The following ZNF527 variants were observed in gnomAD, a reference collection of about 807,000 sequenced individuals.
ZNF527 encodes zinc finger protein 527.
In ZNF527, 5 loss-of-function variants were observed where a neutral mutation model predicts 13.5. The ratio of observed to expected loss-of-function variants is 0.37; its 90% CI spans 0.19 to 0.78. The LOEUF (loss-of-function observed/expected upper bound fraction) is 0.78. ZNF527 is among the 30% of genes least tolerant of loss of function. The pLI, the probability that ZNF527 is intolerant of heterozygous loss-of-function variation, is 0.48. For synonymous variants in ZNF527, 209 were observed against 243.1 expected (o/e 0.86, Z 1.30); for missense variants, 628 against 726.4 (o/e 0.86, Z 1.56).
At chr19:37,387,780 A>G (rs1326584742) in intron 4 of ZNF527, among the ~76,000 whole-genome samples, 1 of 152,206 alleles carries the variant, frequency 6.6e-6, no homozygotes, top group Non-Finnish European at 1.5e-5. Flanking sequence ...GAAGTTGTTG[A>G]ACAGCATTAG....
In ZNF527 at chr19:37,391,579, A is replaced by T. The variant is rs1262855630; in HGVS notation, c.*1700A>T. ...AGCGAAACTCCTTCTCAAAAAAAAA[A>T]AAAAAAAAAAAATAAATAAATAAAT... On this transcript the variant is annotated 3_prime_UTR_variant, in exon 5 of 5. Coordinates refer to ENST00000436120, the MANE Select transcript of ZNF527 (RefSeq NM_032453.2). The T allele has an allele frequency of 5.8e-5, 5 of 86,626 alleles. No homozygotes were observed. Among genetic ancestry groups the T allele is most frequent in the Non-Finnish European group, 1.1e-4 (5 of 45,840 alleles). 5.4% of individuals were successfully genotyped at this position (86,626 alleles called of 1,614,324 possible).
At chr19:37,382,974 TG>T (rs2040666808) in intron 4 of ZNF527, among the ~76,000 whole-genome samples, 1 of 152,190 alleles carries the variant, frequency 6.6e-6, no homozygotes, top group Non-Finnish European at 1.5e-5. Context: ...CCCAAAGTGC[TG>T]GGATTACAGT....
intron 1 of ZNF527, among the ~76,000 whole-genome samples, chr19:37,373,632 A>G (rs2040576469): frequency 6.6e-6 from 1 of 152,182 alleles, no homozygotes; most frequent in Non-Finnish European, 1.5e-5. Context: ...TTCAGGGTAA[A>G]GAAAAATGGA....
intron 4 of ZNF527, among the ~76,000 whole-genome samples, chr19:37,381,272 A>G (rs1412485711): frequency 2.6e-5 from 4 of 152,242 alleles, no homozygotes; most frequent in African/African-American, 7.2e-5. Flanking sequence ...CCGACTTACC[A>G]TCAATTGTCT....
At chr19:37,379,050 A>T (rs927670416) in intron 2 of ZNF527, 70 bp from the exon 3 acceptor site, 1 of 1,592,088 alleles carries the variant, frequency 6.3e-7, no homozygotes, top group Non-Finnish European at 8.6e-7. Flanking sequence ...AACTCTGGCC[A>T]AATTCATCTT....
intron 4 of ZNF527, chr19:37,385,456 G>T: frequency 2.5e-6 from 1 of 398,084 alleles, no homozygotes; most frequent in East Asian, 3.6e-5. Context: ...AACCCTGGTT[G>T]AGTTCTTTCA....
In ZNF527 at chr19:37,380,343, A is replaced by C; in HGVS notation, c.227A>C (p.Glu76Ala). ...LEQGKEPWMVERKMSQGHCAD... is the reference protein window; with the variant it reads ...LEQGKEPWMVARKMSQGHCAD... Reference sequence around the variant, plus strand: ...CAAGGGAAGGAACCGTGGATGGTGGAGAGAAAGATGTCACAGGGTCACTGT... The same window carrying C: ...CAAGGGAAGGAACCGTGGATGGTGGCGAGAAAGATGTCACAGGGTCACTGT... The change falls in exon 4 of 5, where the codon GAG becomes GCG. Residue 76 changes from glutamate to alanine, a missense_variant. Glu to Ala is a moderately radical substitution (Grantham distance 107). This residue lies in a region of ZNF527 where 592 missense variants were observed against 678.0 expected (regional missense o/e 0.87). Coordinates refer to ENST00000436120, the MANE Select transcript of ZNF527 (RefSeq NM_032453.2). 1 of 1,614,036 alleles carries C rather than the reference A, an allele frequency of 6.2e-7. No individual in the cohort carries two copies. Among genetic ancestry groups the C allele is most frequent in the Non-Finnish European group, 8.5e-7 (1 of 1,179,950 alleles).
At position 37,390,232 on chromosome 19, in the gene ZNF527, T is replaced by C. The variant is rs900241353; in HGVS notation, c.*353T>C. 2 of 185,572 alleles carry C rather than the reference T, an allele frequency of 1.1e-5. No homozygotes were observed. The highest frequency in any genetic ancestry group is 4.8e-5 in the African/African-American group (2 of 41,844). The allele number at this position is 185,572 out of a possible 1,614,324, so 11.5% of individuals were successfully genotyped here. Reference sequence around the variant, plus strand: ...TTAGTAGAGACGGGGTTTCACCACATTGGTCAGGCTGATCTCGAACTCCTG... The same window carrying C: ...TTAGTAGAGACGGGGTTTCACCACACTGGTCAGGCTGATCTCGAACTCCTG... On this transcript the variant is annotated 3_prime_UTR_variant, in exon 5 of 5. Transcript: ENST00000436120.
chr19:37,374,896 G>A (rs1198237977), intron 2 of ZNF527, among the ~76,000 whole-genome samples: 2 of 152,196 alleles, frequency 1.3e-5, no homozygotes, highest in Non-Finnish European at 2.9e-5. Context: ...CCAGTCAGGA[G>A]ACTCTTTTAG....
In ZNF527 at chr19:37,389,592, C is replaced by A. The variant is rs1248155808; in HGVS notation, c.1543C>A (p.His515Asn). The A allele has an allele frequency of 1.2e-6, 2 of 1,614,138 alleles. No homozygotes were observed. Among genetic ancestry groups the A allele is most frequent in the Admixed American group, 3.3e-5 (2 of 60,022 alleles). ...CTTCAGTGATGCTTTAGTTCTAATT[C>A]ACCATAAGAGAAGTCATGCAGGAGA... ...KAFSDALVLI[H>N]HKRSHAGEKP... Residue 515 changes from histidine to asparagine, a missense_variant, in exon 5 of 5, where the codon CAC becomes AAC. Physicochemically the swap from His to Asn is moderately conservative, Grantham distance 68 (BLOSUM62 1). This residue lies in a region of ZNF527 where 592 missense variants were observed against 678.0 expected (regional missense o/e 0.87). Transcript: ENST00000436120.
chr19:37,392,335 G>C lies in ZNF527; in HGVS notation c.*2456G>C, dbSNP rs977079070. 1.3e-5 allele frequency: 2 copies of C among 152,084 alleles called. No individual in the cohort carries two copies. The highest frequency in any genetic ancestry group is 1.5e-5 in the Non-Finnish European group (1 of 68,018). The allele number at this position is 152,084 out of a possible 1,614,324, so 9.4% of individuals were successfully genotyped here. A position where few individuals can be genotyped will look rare whatever the true frequency, so the allele number is the denominator to read the frequency against. On this transcript the variant is annotated 3_prime_UTR_variant, in exon 5 of 5. Transcript: ENST00000436120. ...AGTAAACTTTACCAAACTTGAAGAA[G>C]AATGACTCAGATCAGTAAGAAGAGT...
intron 4 of ZNF527, among the ~76,000 whole-genome samples, chr19:37,384,646 G>A (rs1180646380): frequency 6.6e-6 from 1 of 152,186 alleles, no homozygotes; most frequent in Non-Finnish European, 1.5e-5. Flanking sequence ...TCTGAGAATG[G>A]CATTTCCTTC....
chr19:37,384,972 A>T, intron 4 of ZNF527: 1 of 701,594 alleles, frequency 1.4e-6, no homozygotes, highest in Non-Finnish European at 2.6e-6. Context: ...CATGCACACC[A>T]CTGCACCTGG....
chr19:37,388,264 C>A, intron 4 of ZNF527, 42 bp from the exon 5 acceptor site: 1 of 1,579,024 alleles, frequency 6.3e-7, no homozygotes, highest in East Asian at 2.2e-5. Context: ...TTCCTCATAG[C>A]AAAAGAACAA....
chr19:37,374,608 TG>T (rs1163394241), intron 2 of ZNF527, among the ~76,000 whole-genome samples: 1 of 152,192 alleles, frequency 6.6e-6, no homozygotes, highest in Non-Finnish European at 1.5e-5. Context: ...TGTGGAGATC[TG>T]GGGAAGAGCT....
At chr19:37,375,291 TTTCTTTCTTTCTTTCTTTCTTTTC>T (rs1568691397) in intron 2 of ZNF527, among the ~76,000 whole-genome samples, 44 of 118,348 alleles carry the variant, frequency 3.7e-4, no homozygotes, top group African/African-American at 1.2e-3. Context: ...TCTTTCTTTC[TTTCTTTCTTTCTTTCTTTCTTTTC>T]TTTCTTTCTT....
Position 37,389,916 on chromosome 19 carries a change from A to T in ZNF527, c.*37A>T, listed in dbSNP as rs377309382. On this transcript the variant is annotated 3_prime_UTR_variant, in exon 5 of 5. Transcript: ENST00000436120. ...ATAGGAAAGAAAACATGTGGTTACC[A>T]CTCAATCCTTATTAAATATTAGTGA... is the stretch of plus-strand genomic sequence containing the variant. The T allele has an allele frequency of 1.4e-5, 21 of 1,522,392 alleles. No homozygotes were observed. The highest frequency in any genetic ancestry group is 1.8e-5 in the Non-Finnish European group (21 of 1,144,320). The allele number at this position is 1,522,392 out of a possible 1,614,324, so 94.3% of individuals were successfully genotyped here.
chr19:37,381,668 T>G (rs553290993), intron 4 of ZNF527, among the ~76,000 whole-genome samples: 2 of 152,328 alleles, frequency 1.3e-5, no homozygotes, highest in East Asian at 3.9e-4. Flanking sequence ...ACTTTGAGAT[T>G]ATTCAGTTTC....
chr19:37,375,454 T>C (rs926139042), intron 2 of ZNF527, among the ~76,000 whole-genome samples: 4 of 150,878 alleles, frequency 2.7e-5, no homozygotes, highest in African/African-American at 4.9e-5. Flanking sequence ...CTCTGCCTCC[T>C]GGGTTCAAGC....
Sources: gnomAD v4.1 joint callset for allele counts (sites outside exome capture counted in the v4.1 genomes callset) on GRCh38, gnomAD v4.1.1 for gene constraint, gnomAD v4.1.1 regional missense constraint, MANE v1.5 for transcripts, NCBI Gene and HGNC (gene_info 2026-07-23, HGNC 2026-07-21) for gene names.